Variants in SOBP observed in about 807,000 individuals in gnomAD.
The protein encoded by SOBP is sine oculis binding protein homolog, also known as sine oculis-binding protein homolog.
Under a neutral mutation model 53.6 loss-of-function variants are expected in SOBP, and 4 were observed. The observed-to-expected ratio is 0.07, with a 90% confidence interval of 0.04 to 0.17. SOBP has a LOEUF of 0.17. SOBP is among the 10% of genes least tolerant of loss of function. The probability of loss-of-function intolerance (pLI) is 1.00; values close to 1 mark genes in which losing one functional copy is unlikely to be tolerated. For synonymous variants in SOBP, 584 were observed against 522.6 expected (o/e 1.12, Z -1.60); for missense variants, 1,088 against 1,204.7 (o/e 0.90, Z 1.43).
At chr6:107,517,042 G>T (rs1418907118) in intron 3 of SOBP, among the ~76,000 whole-genome samples, 2 of 152,232 alleles carry the variant, frequency 1.3e-5, no homozygotes, top group East Asian at 3.9e-4. Flanking sequence ...GAGATGCAAA[G>T]GAGCAAGAAT....
intron 4 of SOBP, among the ~76,000 whole-genome samples, chr6:107,542,080 C>T (rs748923119): frequency 7.9e-5 from 12 of 151,716 alleles, no homozygotes; most frequent in South Asian, 2.1e-4. Flanking sequence ...TACACTCTAG[C>T]GGGGGAGATA....
At chr6:107,568,236 CAAAG>C (rs940015484) in intron 4 of SOBP, among the ~76,000 whole-genome samples, 2 of 152,044 alleles carry the variant, frequency 1.3e-5, no homozygotes, top group African/African-American at 4.8e-5. Context: ...AAAAACAAAA[CAAAG>C]AAAAATAAAC....
rs74537488 is a variant in SOBP at position 107,660,329 on chromosome 6, C to T, written c.*2126C>T. Among the ~76,000 whole-genome samples, 142 of 152,276 alleles carry T rather than the reference C, an allele frequency of 9.3e-4. 1 individual carries two copies. The highest frequency in any genetic ancestry group is 3.2e-3 in the African/African-American group (135 of 41,564). On this transcript the variant is annotated 3_prime_UTR_variant, in exon 7 of 7. Coordinates refer to ENST00000317357, the MANE Select transcript of SOBP (RefSeq NM_018013.4). ...TGTCTCTTCCTGACCTGCTAGACCACGCTTGTCTGCAGACAAGAGCCCACT... is the reference window on the plus strand; with the variant it reads ...TGTCTCTTCCTGACCTGCTAGACCATGCTTGTCTGCAGACAAGAGCCCACT...
intron 6 of SOBP, among the ~76,000 whole-genome samples, chr6:107,641,672 C>T (rs986114571): frequency 1.9e-4 from 29 of 152,194 alleles, no homozygotes; most frequent in African/African-American, 6.8e-4. Context: ...CACTGGAAAT[C>T]AGTTCCCTGA....
chr6:107,512,742 T>A (rs945044152), intron 3 of SOBP, among the ~76,000 whole-genome samples: 4 of 152,016 alleles, frequency 2.6e-5, no homozygotes, highest in African/African-American at 9.7e-5. Flanking sequence ...ATTTTTTTTT[T>A]AAATTAATAA....
intron 1 of SOBP, among the ~76,000 whole-genome samples, chr6:107,493,026 T>C (rs1782615599): frequency 6.6e-6 from 1 of 152,174 alleles, no homozygotes; most frequent in Non-Finnish European, 1.5e-5. Context: ...AAGGATTATT[T>C]TGAGCTCCTT....
intron 4 of SOBP, among the ~76,000 whole-genome samples, chr6:107,567,886 G>C (rs531548777): frequency 6.6e-6 from 1 of 152,310 alleles, no homozygotes; most frequent in South Asian, 2.1e-4. Context: ...AAGGGACTCT[G>C]AGAGTAGCCC....
intron 4 of SOBP, among the ~76,000 whole-genome samples, chr6:107,575,680 T>C (rs1283770356): frequency 6.6e-6 from 1 of 152,112 alleles, no homozygotes; most frequent in Non-Finnish European, 1.5e-5. Flanking sequence ...TTTGTCTTCC[T>C]TCACCTGGGC....
intron 4 of SOBP, among the ~76,000 whole-genome samples, chr6:107,544,492 A>C (rs554745964): frequency 2.0e-5 from 3 of 152,342 alleles, no homozygotes; most frequent in East Asian, 3.9e-4. Context: ...GTGCCATGAT[A>C]GTATTGGGCA....
chr6:107,506,436 C>T lies in SOBP; in HGVS notation c.421+9C>T, dbSNP rs779489825. 1 of 1,613,840 alleles carries T rather than the reference C, an allele frequency of 6.2e-7. No individual in the cohort carries two copies. The highest frequency in any genetic ancestry group is 1.1e-5 in the South Asian group (1 of 91,074). ...CATAAAGCCACCAGCAGGTAAGTCA[C>T]TACTGGTGTTTTCAGTGATAACAAT... On this transcript the variant is annotated intron_variant, in intron 3 of 6. Transcript: ENST00000317357.
intron 4 of SOBP, among the ~76,000 whole-genome samples, chr6:107,577,701 G>A (rs1785274381): frequency 3.3e-5 from 5 of 152,192 alleles, no homozygotes; most frequent in Admixed American, 3.3e-4. Context: ...GAGTTTGGTA[G>A]GATGTGTCTT....
chr6:107,498,920 G>A, intron 1 of SOBP, among the ~76,000 whole-genome samples: 1 of 152,180 alleles, frequency 6.6e-6, no homozygotes, highest in East Asian at 1.9e-4. Context: ...GAAGTACAAA[G>A]CAATTAGAGT....
chr6:107,598,598 G>A (rs3734747), intron 5 of SOBP, among the ~76,000 whole-genome samples: 42,498 of 151,978 alleles, frequency 0.28, 7,402 homozygotes, highest in East Asian at 0.58. Context: ...TTTACATTTG[G>A]TGTTTTGGCT....
chr6:107,533,576 C>T lies in SOBP; in HGVS notation c.539C>T (p.Ala180Val), dbSNP rs1305848027. The T allele has an allele frequency of 3.1e-6, 5 of 1,614,108 alleles. No individual in the cohort carries two copies. The highest frequency in any genetic ancestry group is 3.4e-6 in the Non-Finnish European group (4 of 1,179,996). Residue 180 changes from alanine to valine, a missense_variant, in exon 4 of 7, where the codon GCG becomes GTG. By Grantham distance (64) the Ala-to-Val change is moderately conservative. Coordinates refer to ENST00000317357, the MANE Select transcript of SOBP (RefSeq NM_018013.4). ...VKSFCSEKCF[A>V]ACRRAYFKRN... ...AGCTTCTGCAGCGAGAAGTGCTTTG[C>T]GGCCTGCCGACGAGCCTACTTCAAG...
At position 107,635,486 on chromosome 6, in the gene SOBP, G is replaced by C; in HGVS notation, c.*3+17G>C. 1 of 1,611,542 alleles carries C rather than the reference G, an allele frequency of 6.2e-7. No homozygotes were observed. Among genetic ancestry groups the C allele is most frequent in the Non-Finnish European group, 8.5e-7 (1 of 1,179,992 alleles). On this transcript the variant is annotated intron_variant, in intron 6 of 6. Transcript: ENST00000317357. This position sits in a 1 kb window ranked among gnomAD's most constrained non-coding sequence, Gnocchi z 4.5. ...AAGTAAAAGGTTTGTATGTCCGCCG[G>C]GCGCTCCTCCACACCAGCCAGTGCA... is the stretch of plus-strand genomic sequence containing the variant.
chr6:107,505,114 C>T (rs1349423007), intron 2 of SOBP, among the ~76,000 whole-genome samples: 2 of 151,968 alleles, frequency 1.3e-5, no homozygotes, highest in Non-Finnish European at 2.9e-5. Flanking sequence ...TGGGTATTAT[C>T]GATACCTTGT....
At chr6:107,562,017 T>G (rs1784785424) in intron 4 of SOBP, among the ~76,000 whole-genome samples, 1 of 151,164 alleles carries the variant, frequency 6.6e-6, no homozygotes, top group Admixed American at 6.6e-5. Context: ...TGCTTCTTAG[T>G]GGCTCCCTGG....
rs986033638 is a variant in SOBP, at chr6:107,490,470, C to A, written c.-147C>A. On this transcript the variant is annotated 5_prime_UTR_variant, in exon 1 of 7. Coordinates refer to ENST00000317357, the MANE Select transcript of SOBP (RefSeq NM_018013.4). ...CCGCTTCTCGGCGCCTGCCCTCCCC[C>A]TCGCGGCTCGGTCCGGCCCCGCCAG... is the stretch of plus-strand genomic sequence containing the variant. The A allele has an allele frequency of 4.9e-6, 3 of 613,320 alleles. No individual in the cohort carries two copies. The highest frequency in any genetic ancestry group is 5.8e-6 in the Non-Finnish European group (2 of 347,314). 38.0% of individuals were successfully genotyped at this position (613,320 alleles called of 1,614,324 possible). A position where few individuals can be genotyped will look rare whatever the true frequency, so the allele number is the denominator to read the frequency against.
chr6:107,640,220 G>A (rs1771248176), intron 6 of SOBP, among the ~76,000 whole-genome samples: 2 of 152,218 alleles, frequency 1.3e-5, no homozygotes. Flanking sequence ...CTGTCTGGGA[G>A]GAGGTTGGGA....
Sources: gnomAD v4.1 joint callset for allele counts (sites outside exome capture counted in the v4.1 genomes callset) on GRCh38, gnomAD v4.1.1 for gene constraint, Gnocchi (gnomAD v3.1) non-coding constraint, MANE v1.5 for transcripts, NCBI Gene and HGNC (gene_info 2026-07-23, HGNC 2026-07-21) for gene names.